Variants in PHF12 observed in about 807,000 individuals in gnomAD.
PHF12 encodes PHD factor 1.
Under a neutral mutation model 99.8 loss-of-function variants are expected in PHF12, and 6 were observed. That is an observed-to-expected ratio of 0.06 (90% confidence interval 0.03 to 0.12). PHF12 has a LOEUF of 0.12. Among genes scored for constraint, PHF12 ranks in the 10% least tolerant of loss-of-function variants. PHF12 has a pLI of 1.00. For missense variants in PHF12, 954 were observed against 1,300.1 expected, an observed-to-expected ratio of 0.73 and a Z score of 4.09; for synonymous variants, 480 against 514.9, an observed-to-expected ratio of 0.93 and a Z score of 0.92.
At chr17:28,912,391 T>C in intron 9 of PHF12, 91 bp downstream of exon 9, 1 of 1,479,314 alleles carries the variant, frequency 6.8e-7, no homozygotes, top group Non-Finnish European at 9.0e-7. Context: ...TCCTCTGAAG[T>C]ATTCACAGGG....
At chr17:28,918,027 G>A (rs2040093654) in intron 6 of PHF12, among the ~76,000 whole-genome samples, 1 of 152,292 alleles carries the variant, frequency 6.6e-6, no homozygotes, top group East Asian at 1.9e-4. Flanking sequence ...GAAAACCTTG[G>A]ATTGCTCTTA....
At chr17:28,937,002 A>C (rs2040522755) in intron 2 of PHF12, among the ~76,000 whole-genome samples, 1 of 152,202 alleles carries the variant, frequency 6.6e-6, no homozygotes, top group Non-Finnish European at 1.5e-5. Context: ...GACCACAATC[A>C]TGTCTCAGCC....
intron 2 of PHF12, among the ~76,000 whole-genome samples, chr17:28,928,868 C>A (rs2040334908): frequency 6.6e-6 from 1 of 152,038 alleles, no homozygotes; most frequent in Non-Finnish European, 1.5e-5. Flanking sequence ...GAGGCCGAGG[C>A]AGGCAGAACA....
At chr17:28,946,626 T>A in intron 2 of PHF12, among the ~76,000 whole-genome samples, 1 of 152,220 alleles carries the variant, frequency 6.6e-6, no homozygotes, top group Non-Finnish European at 1.5e-5. Context: ...AAAAGACTTA[T>A]CCCACAGAGC....
At chr17:28,922,050 TCTAA>T (rs1183381123) in intron 4 of PHF12, among the ~76,000 whole-genome samples, 1 of 152,130 alleles carries the variant, frequency 6.6e-6, no homozygotes, top group Non-Finnish European at 1.5e-5. Context: ...CAGAAACACA[TCTAA>T]CTGTTTTGCA....
rs535634573 is a variant in PHF12, at chr17:28,906,592, G to A, written c.2681-75C>T. 4.1e-6 allele frequency: 6 copies of A among 1,462,134 alleles called. No homozygotes were observed. The highest frequency in any genetic ancestry group is 2.8e-5 in the African/African-American group (2 of 71,182). 90.6% of individuals were successfully genotyped at this position (1,462,134 alleles called of 1,614,324 possible). A position where few individuals can be genotyped will look rare whatever the true frequency, so the allele number is the denominator to read the frequency against. On this transcript the variant is annotated intron_variant, in intron 14 of 14. Coordinates refer to ENST00000332830, the MANE Select transcript of PHF12 (RefSeq NM_001033561.2). The surrounding 1 kb of genome is among the most constrained non-coding windows in gnomAD (Gnocchi z 4.2). ...CATGTGGGCTGTTTGCCAAGGTTGG[G>A]CTCCTGCATCTCCCCATTCCAACTG...
At chr17:28,919,344 G>C in intron 5 of PHF12, 69 bp from the exon 6 acceptor site, 1 of 1,503,824 alleles carries the variant, frequency 6.6e-7, no homozygotes, top group East Asian at 2.3e-5. Flanking sequence ...TTGACCTGTG[G>C]AACAGCCTCC....
At chr17:28,943,544 C>T (rs1567971910) in intron 2 of PHF12, among the ~76,000 whole-genome samples, 2 of 152,110 alleles carry the variant, frequency 1.3e-5, no homozygotes, top group Non-Finnish European at 2.9e-5. Flanking sequence ...GCAGGAGAAT[C>T]GCTTGAACCT....
chr17:28,930,409 T>C (rs2152670926), intron 2 of PHF12, among the ~76,000 whole-genome samples: 1 of 152,272 alleles, frequency 6.6e-6, no homozygotes, highest in Admixed American at 6.5e-5. Flanking sequence ...AAGTACTCAA[T>C]AAAGCTTTAA....
intron 2 of PHF12, chr17:28,944,734 T>TA (rs2040691262): frequency 6.4e-6 from 1 of 155,132 alleles, no homozygotes; most frequent in Admixed American, 6.6e-5. Context: ...ATAAATAAAA[T>TA]AAACATAAAA....
At chr17:28,910,467 A>C in intron 10 of PHF12, 98 bp from the exon 11 acceptor site, 2 of 1,400,842 alleles carry the variant, frequency 1.4e-6, no homozygotes, top group Non-Finnish European at 1.9e-6. Flanking sequence ...CATTTCTAAA[A>C]TCCAGCCAAG....
At chr17:28,945,712 G>C (rs1398317066) in intron 2 of PHF12, among the ~76,000 whole-genome samples, 3 of 152,224 alleles carry the variant, frequency 2.0e-5, no homozygotes, top group Non-Finnish European at 4.4e-5. Flanking sequence ...TCAGTGAAAA[G>C]TAAAGCTGTA....
rs375984340 is a variant in PHF12, at chr17:28,939,582, G to C, written c.248+10483C>G. Among the ~76,000 whole-genome samples, 24 of 152,324 alleles carry C rather than the reference G, an allele frequency of 1.6e-4. No individual in the cohort carries two copies. In the South Asian group the frequency reaches 2.5e-3, roughly 16 times the overall value. On this transcript the variant is annotated intron_variant, in intron 2 of 14. Transcript: ENST00000332830. Reference sequence around the variant, plus strand: ...CACTCAGCTGATCACAGGAGCCTAGGGGTAGTGGAAAGAAAAGCAAGAGTA... The same window carrying C: ...CACTCAGCTGATCACAGGAGCCTAGCGGTAGTGGAAAGAAAAGCAAGAGTA...
intron 5 of PHF12, among the ~76,000 whole-genome samples, chr17:28,920,487 C>G (rs1280143076): frequency 6.6e-6 from 1 of 152,224 alleles, no homozygotes; most frequent in African/African-American, 2.4e-5. Context: ...TATCATAGAT[C>G]CTTATACTAC....
chr17:28,925,347 T>C (rs2040252103), intron 3 of PHF12: 1 of 152,216 alleles, frequency 6.6e-6, no homozygotes, highest in Non-Finnish European at 1.5e-5. Flanking sequence ...ACGAAAGGGA[T>C]AATTTGGAGT....
At position 28,917,273 on chromosome 17, in the gene PHF12, A is replaced by G; in HGVS notation, c.1134+12T>C. On this transcript the variant is annotated intron_variant, in intron 7 of 14. Transcript: ENST00000332830. ...CAGACTACCATCTTGCCTGCACCTGATTGTGACTCACCTTCAAGCTTCTTC... is the reference window on the plus strand; with the variant it reads ...CAGACTACCATCTTGCCTGCACCTGGTTGTGACTCACCTTCAAGCTTCTTC... 6.2e-7 allele frequency: 1 copy of G among 1,613,074 alleles called. No homozygotes were observed. Among genetic ancestry groups the G allele is most frequent in the Non-Finnish European group, 8.5e-7 (1 of 1,180,000 alleles).
rs537275987 is a variant in PHF12, at chr17:28,950,802, T to C, written c.66+93A>G. 3,465 of 1,541,634 alleles carry C rather than the reference T, an allele frequency of 2.2e-3. 7 individuals carry two copies. The highest frequency in any genetic ancestry group is 2.7e-3 in the Non-Finnish European group (3,021 of 1,137,078). The stretch of plus-strand genomic sequence containing the variant: ...GAAGAATCCCCCTCCCTCGGCCATC[T>C]AGGCGCTTCGAGTTTAGGACTGGCT... On this transcript the variant is annotated intron_variant, in intron 1 of 14. Coordinates refer to ENST00000332830, the MANE Select transcript of PHF12 (RefSeq NM_001033561.2). The surrounding 1 kb of genome is among the most constrained non-coding windows in gnomAD (Gnocchi z 5.7).
In PHF12 at chr17:28,950,970, T is replaced by G; in HGVS notation, c.-10A>C. ...CCATTTTCTCCCACATTCATCCACC[T>G]CCCGGGCTGGGTGCTCTCTGCTCCG... On this transcript the variant is annotated 5_prime_UTR_variant, in exon 1 of 15. Transcript: ENST00000332830. This position sits in a 1 kb window ranked among gnomAD's most constrained non-coding sequence, Gnocchi z 5.7. 5.6e-6 allele frequency: 9 copies of G among 1,613,540 alleles called. No individual in the cohort carries two copies. The highest frequency in any genetic ancestry group is 7.6e-6 in the Non-Finnish European group (9 of 1,179,770).
rs747024351 is a variant in PHF12 at position 28,907,013 on chromosome 17, G to A, written c.2542-19C>T. 1.5e-5 allele frequency: 24 copies of A among 1,594,306 alleles called. No individual in the cohort carries two copies. Among genetic ancestry groups the A allele is most frequent in the Middle Eastern group, 1.7e-4 (1 of 5,938 alleles). The stretch of plus-strand genomic sequence containing the variant: ...TGGTATTCTGAGGAGGAGGAGGGGA[G>A]ATAAGATGTGTGGTCTGCTGTGTGG... On this transcript the variant is annotated intron_variant, in intron 13 of 14. Coordinates refer to ENST00000332830, the MANE Select transcript of PHF12 (RefSeq NM_001033561.2).
Sources: gnomAD v4.1 joint callset for allele counts (sites outside exome capture counted in the v4.1 genomes callset) on GRCh38, gnomAD v4.1.1 for gene constraint, Gnocchi (gnomAD v3.1) non-coding constraint, MANE v1.5 for transcripts, NCBI Gene and HGNC (gene_info 2026-07-23, HGNC 2026-07-21) for gene names.